Variants in NR1I2 observed in about 807,000 individuals in gnomAD.
NR1I2 encodes the protein nuclear receptor subfamily 1 group I member 2, also known as orphan nuclear receptor PAR1.
Under a neutral mutation model 43.3 loss-of-function variants are expected in NR1I2, and 42 were observed. The ratio of observed to expected loss-of-function variants is 0.97; its 90% confidence interval spans 0.76 to 1.26. The LOEUF (loss-of-function observed/expected upper bound fraction) is 1.26. NR1I2 is among the 50% of genes most tolerant of loss of function. The probability of loss-of-function intolerance (pLI) is 0.00; values close to 1 mark genes in which losing one functional copy is unlikely to be tolerated. For synonymous variants in NR1I2, 229 were observed against 215.0 expected, an observed-to-expected ratio of 1.06 and a Z score of -0.57; for missense variants, 559 against 566.7, an observed-to-expected ratio of 0.99 and a Z score of 0.14.
chr3:119,787,651 A>G (rs1168934379), intron 1 of NR1I2, among the ~76,000 whole-genome samples: 1 of 115,616 alleles, frequency 8.6e-6, no homozygotes, highest in Admixed American at 9.9e-5. Flanking sequence ...CAGTTCTGCT[A>G]TTAATATGTG....
At chr3:119,791,891 C>A in intron 1 of NR1I2, 1 of 618,174 alleles carries the variant, frequency 1.6e-6, no homozygotes. Flanking sequence ...GCATGGTGAA[C>A]TCTGCCTTAT....
chr3:119,812,968 A>G lies in NR1I2; in HGVS notation c.794+8A>G. The G allele has an allele frequency of 6.2e-7, 1 of 1,612,470 alleles. No homozygotes were observed. Among genetic ancestry groups the G allele is most frequent in the Non-Finnish European group, 8.5e-7 (1 of 1,180,026 alleles). The stretch of plus-strand genomic sequence containing the variant: ...AGTCATCTCCTACTTCAGGTAGGAC[A>G]TGGAGACTGGGTGGTTGGGTGTGGA... On this transcript the variant is annotated splice_region_variant and intron_variant, in intron 5 of 8. Coordinates refer to ENST00000393716, the MANE Select transcript of NR1I2 (RefSeq NM_003889.4).
intron 1 of NR1I2, among the ~76,000 whole-genome samples, chr3:119,783,006 C>T (rs895329339): frequency 6.6e-6 from 1 of 152,146 alleles, no homozygotes; most frequent in Admixed American, 6.5e-5. Flanking sequence ...AAGGCCACTC[C>T]ATATCTAGGA....
intron 1 of NR1I2, chr3:119,782,566 T>A (rs2054788447): frequency 3.4e-6 from 2 of 586,272 alleles, no homozygotes; most frequent in African/African-American, 3.7e-5. Flanking sequence ...AAGCCTTAAC[T>A]ACTGCATGAG....
At chr3:119,795,094 A>G (rs1027262509) in intron 1 of NR1I2, among the ~76,000 whole-genome samples, 1 of 152,168 alleles carries the variant, frequency 6.6e-6, no homozygotes, top group Non-Finnish European at 1.5e-5. Flanking sequence ...TCCAAACACC[A>G]CTAGCTGGGG....
intron 3 of NR1I2, 99 bp from the exon 4 acceptor site, chr3:119,811,440 C>T (rs186846737): frequency 1.2e-5 from 14 of 1,195,864 alleles, no homozygotes; most frequent in Admixed American, 5.5e-5. Context: ...TTTTGCCTAA[C>T]GGCTTCTGCT....
Position 119,817,508 on chromosome 3 carries a change from C to A in NR1I2, c.*296C>A. On this transcript the variant is annotated 3_prime_UTR_variant, in exon 9 of 9. Coordinates refer to ENST00000393716, the MANE Select transcript of NR1I2 (RefSeq NM_003889.4). ...AGGTTGCCCTTTCCTTTTAAAAGGC[C>A]CTGTGGTCTGGGGAGAAATCCCTCA... The A allele has an allele frequency of 5.5e-6, 7 of 1,269,998 alleles. No homozygotes were observed. The highest frequency in any genetic ancestry group is 6.0e-6 in the Non-Finnish European group (6 of 994,548). 78.7% of individuals were successfully genotyped at this position (1,269,998 alleles called of 1,614,324 possible). A position where few individuals can be genotyped will look rare whatever the true frequency, so the allele number is the denominator to read the frequency against.
At position 119,817,234 on chromosome 3, in the gene NR1I2, C is replaced by A. The variant is rs1559792643; in HGVS notation, c.*22C>A. ...CTGAGCGGCTGCCCTTGGGTGACACCTCCGAGAGGCAGCCAGACCCAGAGC... is the reference window on the plus strand; with the variant it reads ...CTGAGCGGCTGCCCTTGGGTGACACATCCGAGAGGCAGCCAGACCCAGAGC... On this transcript the variant is annotated 3_prime_UTR_variant, in exon 9 of 9. Coordinates refer to ENST00000393716, the MANE Select transcript of NR1I2 (RefSeq NM_003889.4). 1 of 1,612,932 alleles carries A rather than the reference C, an allele frequency of 6.2e-7. No homozygotes were observed.
rs982247655 is a variant in NR1I2 at position 119,815,669 on chromosome 3, G to T, written c.1055-57G>T. ...TTGGCGAGCAATGCCCTGACTCTGG[G>T]CTGGACTGAGCTTGTCTTTGCCCCA... is the stretch of plus-strand genomic sequence containing the variant. On this transcript the variant is annotated intron_variant, in intron 7 of 8. Coordinates refer to ENST00000393716, the MANE Select transcript of NR1I2 (RefSeq NM_003889.4). 3.4e-6 allele frequency: 5 copies of T among 1,457,806 alleles called. No homozygotes were observed. The African/African-American group carries it at 7.0e-5, about 20-fold the overall frequency. 90.3% of individuals were successfully genotyped at this position (1,457,806 alleles called of 1,614,324 possible).
intron 1 of NR1I2, among the ~76,000 whole-genome samples, chr3:119,789,834 A>G (rs1234835876): frequency 6.6e-6 from 1 of 152,126 alleles, no homozygotes; most frequent in Admixed American, 6.5e-5. Flanking sequence ...ATTTAAATTC[A>G]ATTTAAATAT....
At chr3:119,803,176 G>GAA (rs374112140) in intron 1 of NR1I2, among the ~76,000 whole-genome samples, 8,092 of 145,664 alleles carry the variant, frequency 0.056, 238 homozygotes, top group Middle Eastern at 0.078. Flanking sequence ...TACTAAAAAT[G>GAA]AAAAAAAAAA....
chr3:119,802,904 G>A, intron 1 of NR1I2: 1 of 456,706 alleles, frequency 2.2e-6, no homozygotes, highest in Non-Finnish European at 4.4e-6. Flanking sequence ...GCCATGTTCT[G>A]AATGTTTATG....
rs2055171285 is a variant in NR1I2, at chr3:119,807,099, C to T, written c.-22-130C>T. 2.6e-5 allele frequency: 20 copies of T among 781,904 alleles called. 1 individual carries two copies. In the South Asian group the frequency reaches 2.7e-4, roughly 11 times the overall value. 48.4% of individuals were successfully genotyped at this position (781,904 alleles called of 1,614,324 possible). The stretch of plus-strand genomic sequence containing the variant: ...ACCCCCATTCCCCGCTTTTTTTCCC[C>T]ATGAGAGGTCAGCTCCCGAGTTCAC... On this transcript the variant is annotated intron_variant, in intron 1 of 8. Transcript: ENST00000393716.
intron 1 of NR1I2, among the ~76,000 whole-genome samples, chr3:119,787,004 C>T (rs1447435690): frequency 6.6e-6 from 1 of 152,074 alleles, no homozygotes; most frequent in African/African-American, 2.4e-5. Context: ...AAAAGATGTT[C>T]TGGCCAGGCA....
rs188195626 is a variant in NR1I2, at chr3:119,805,473, C to T, written c.-22-1756C>T. ...TGGGAGGCTGAGGCGGAGGCTGAGG[C>T]GGGCAGATCACTTGAGGTCAGCAGT... On this transcript the variant is annotated intron_variant, in intron 1 of 8. Coordinates refer to ENST00000393716, the MANE Select transcript of NR1I2 (RefSeq NM_003889.4). Among the ~76,000 whole-genome samples, 218 of 152,138 alleles carry T rather than the reference C, an allele frequency of 1.4e-3. 2 individuals are homozygous for T. Among genetic ancestry groups the T allele is most frequent in the African/African-American group, 4.8e-3 (200 of 41,508 alleles).
At chr3:119,795,033 G>C (rs1229060083) in intron 1 of NR1I2, among the ~76,000 whole-genome samples, 1 of 152,162 alleles carries the variant, frequency 6.6e-6, no homozygotes, top group Non-Finnish European at 1.5e-5. Context: ...CTGACTAAAG[G>C]GCACCTCTAC....
chr3:119,812,816 G>A lies in NR1I2; in HGVS notation c.650G>A (p.Gly217Glu). 1.9e-6 allele frequency: 3 copies of A among 1,614,250 alleles called. No homozygotes were observed. Among genetic ancestry groups the A allele is most frequent in the Non-Finnish European group, 2.5e-6 (3 of 1,180,042 alleles). The change falls in exon 5 of 9, where the codon GGG becomes GAG. Residue 217 changes from glycine to glutamate, a missense_variant. By Grantham distance (98) the Gly-to-Glu change is moderately conservative. Transcript: ENST00000393716. ...TTGAAGGTCTCTCTGCAGCTGCGGG[G>A]GGAGGATGGCAGTGTCTGGAACTAC...
In NR1I2 at chr3:119,787,528, C is replaced by T. The variant is rs147598765; in HGVS notation, c.-23+5228C>T. On this transcript the variant is annotated intron_variant, in intron 1 of 8. Coordinates refer to ENST00000393716, the MANE Select transcript of NR1I2 (RefSeq NM_003889.4). Reference sequence around the variant, plus strand: ...TGTGAGTTAAATTCACCAAACGTCTCCCTTCACTGAACAACGTCAATGGTT... The same window carrying T: ...TGTGAGTTAAATTCACCAAACGTCTTCCTTCACTGAACAACGTCAATGGTT... 6.2e-3 allele frequency among the ~76,000 whole-genome samples: 947 copies of T among 152,256 alleles called. 9 individuals carry two copies. The highest frequency in any genetic ancestry group is 0.031 in the South Asian group (148 of 4,824).
At chr3:119,783,407 G>A (rs932895089) in intron 1 of NR1I2, among the ~76,000 whole-genome samples, 1 of 151,988 alleles carries the variant, frequency 6.6e-6, no homozygotes, top group African/African-American at 2.4e-5. Context: ...GGCCATGTGG[G>A]AGAGGAATAG....
Sources: gnomAD v4.1 joint callset for allele counts (sites outside exome capture counted in the v4.1 genomes callset) on GRCh38, gnomAD v4.1.1 for gene constraint, MANE v1.5 for transcripts, NCBI Gene and HGNC (gene_info 2026-07-23, HGNC 2026-07-21) for gene names.